The following ANK2 variants were observed in gnomAD, a reference collection of about 807,000 sequenced individuals.
The protein encoded by ANK2 is ankyrin 2, also known as ankyrin-2.
ANK2 carries 83 observed loss-of-function variants against 360.5 expected under a neutral mutation model. The ratio of observed to expected loss-of-function variants is 0.23; its 90% CI spans 0.19 to 0.28. The LOEUF (loss-of-function observed/expected upper bound fraction) is 0.28, where lower values mean the gene tolerates loss of function less well. Ranked by LOEUF, ANK2 falls within the 10% of genes least tolerant of loss-of-function variation. The probability of loss-of-function intolerance (pLI) is 1.00; values close to 1 mark genes in which losing one functional copy is unlikely to be tolerated. For synonymous variants in ANK2, 1,740 were observed against 1,759.5 expected (o/e 0.99, Z 0.28); for missense variants, 4,201 against 4,795.7 (o/e 0.88, Z 3.66).
intron 4 of ANK2, among the ~76,000 whole-genome samples, chr4:113,209,360 A>G (rs892316296): frequency 6.6e-6 from 1 of 152,046 alleles, no homozygotes; most frequent in Non-Finnish European, 1.5e-5. Flanking sequence ...GAGGGCCCAC[A>G]GAGAAAGCCT....
Position 113,357,181 on chromosome 4 carries a change from G to A in ANK2, c.8563G>A (p.Val2855Ile). Residue 2855 changes from valine (V) to isoleucine (I), a missense_variant, in exon 38 of 46, where the codon GTA becomes ATA. Transcript: ENST00000357077. ...SSSSSLPHCL[V>I]SEGKELDEDI... Reference sequence around the variant, plus strand: ...TTCATCCTCTTTGCCTCATTGTTTGGTATCTGAAGGAAAAGAATTAGATGA... The same window carrying A: ...TTCATCCTCTTTGCCTCATTGTTTGATATCTGAAGGAAAAGAATTAGATGA... 1 of 1,614,074 alleles carries A rather than the reference G, an allele frequency of 6.2e-7. No homozygotes were observed. Among genetic ancestry groups the A allele is most frequent in the Non-Finnish European group, 8.5e-7 (1 of 1,179,986 alleles).
the ANK2 span, among the ~76,000 whole-genome samples, chr4:112,733,753 C>G: frequency 6.6e-6 from 1 of 152,078 alleles, no homozygotes; most frequent in Non-Finnish European, 1.5e-5. Flanking sequence ...AAAGGAAAAA[C>G]TGAAGACAGA....
intron 1 of ANK2, among the ~76,000 whole-genome samples, chr4:113,106,005 C>G (rs1460693818): frequency 1.3e-5 from 2 of 152,152 alleles, no homozygotes; most frequent in Non-Finnish European, 2.9e-5. Flanking sequence ...ATTTTACTAG[C>G]TTTCTGTCAA....
the ANK2 span, among the ~76,000 whole-genome samples, chr4:112,715,795 C>T: frequency 6.6e-6 from 1 of 152,104 alleles, no homozygotes; most frequent in East Asian, 1.9e-4. Flanking sequence ...ATGAGGAAGG[C>T]ATGGGACCAG....
the ANK2 span, among the ~76,000 whole-genome samples, chr4:112,802,694 G>A: frequency 1.3e-5 from 2 of 152,008 alleles, no homozygotes; most frequent in Non-Finnish European, 2.9e-5. Context: ...AGTAAATTGG[G>A]TTGAAAAAAT....
intron 19 of ANK2, 54 bp from the exon 20 acceptor site, chr4:113,288,334 A>G (rs1219084137): frequency 7.0e-7 from 1 of 1,430,172 alleles, no homozygotes; most frequent in Non-Finnish European, 9.8e-7. Flanking sequence ...ATTAACCACT[A>G]GAGTAGTAAA....
At chr4:113,185,097 G>A (rs900746384) in intron 2 of ANK2, among the ~76,000 whole-genome samples, 6 of 152,012 alleles carry the variant, frequency 3.9e-5, no homozygotes, top group Admixed American at 1.3e-4. Context: ...TCTTTATCCC[G>A]TCTATCATTG....
At chr4:113,348,890 C>G (rs2095185418) in intron 36 of ANK2, among the ~76,000 whole-genome samples, 2 of 152,090 alleles carry the variant, frequency 1.3e-5, no homozygotes, top group South Asian at 4.1e-4. Context: ...GTTTTTCAGG[C>G]TCCTCAGTAA....
intron 4 of ANK2, among the ~76,000 whole-genome samples, chr4:113,220,934 T>C (rs1469261518): frequency 6.6e-6 from 1 of 152,182 alleles, no homozygotes; most frequent in Non-Finnish European, 1.5e-5. Context: ...CAATCAAGTG[T>C]AAGAGAAGAA....
chr4:112,721,966 T>C, the ANK2 span, among the ~76,000 whole-genome samples: 1 of 152,218 alleles, frequency 6.6e-6, no homozygotes, highest in Non-Finnish European at 1.5e-5. Flanking sequence ...CAAGCATTAT[T>C]ATCAGACTTC....
At chr4:113,095,686 A>G (rs1465251927) in intron 1 of ANK2, among the ~76,000 whole-genome samples, 1 of 152,244 alleles carries the variant, frequency 6.6e-6, no homozygotes. Flanking sequence ...GTTTATAAGT[A>G]TAATAATAAT....
intron 24 of ANK2, among the ~76,000 whole-genome samples, chr4:113,315,131 A>C (rs1159089804): frequency 6.6e-6 from 1 of 152,212 alleles, no homozygotes; most frequent in Non-Finnish European, 1.5e-5. Flanking sequence ...AAACACCAAC[A>C]CCTCTCTATT....
At position 113,355,774 on chromosome 4, in the gene ANK2, G is replaced by A; in HGVS notation, c.7156G>A (p.Glu2386Lys). 6.2e-7 allele frequency: 1 copy of A among 1,614,104 alleles called. No individual in the cohort carries two copies. Among genetic ancestry groups the A allele is most frequent in the Non-Finnish European group, 8.5e-7 (1 of 1,179,980 alleles). ...SDETKALPLP[E>K]ASVKTDTGTE... Reference sequence around the variant, plus strand: ...CGAGACAAAGGCCTTGCCGCTGCCTGAGGCTTCTGTAAAGACAGATACAGG... The same window carrying A: ...CGAGACAAAGGCCTTGCCGCTGCCTAAGGCTTCTGTAAAGACAGATACAGG... Residue 2386 changes from glutamate to lysine, a missense_variant, in exon 38 of 46, where the codon GAG becomes AAG. Glu to Lys is a moderately conservative substitution (Grantham distance 56). Transcript: ENST00000357077.
intron 2 of ANK2, among the ~76,000 whole-genome samples, chr4:113,013,861 G>A (rs2154293571): frequency 6.6e-6 from 1 of 151,936 alleles, no homozygotes; most frequent in African/African-American, 2.4e-5. Flanking sequence ...AAAATATTTA[G>A]CTTAAGGATT....
At chr4:113,350,570 A>T in intron 37 of ANK2, 1 of 288,062 alleles carries the variant, frequency 3.5e-6, no homozygotes, top group South Asian at 4.5e-5. Context: ...TGTTAGCAAA[A>T]CACTGTCATC....
chr4:112,748,481 A>G, the ANK2 span, among the ~76,000 whole-genome samples: 1 of 152,224 alleles, frequency 6.6e-6, no homozygotes, highest in African/African-American at 2.4e-5. Context: ...GGCATAGCTT[A>G]ATGACATATT....
chr4:112,985,913 A>G (rs150570684), intron 2 of ANK2, among the ~76,000 whole-genome samples: 5,167 of 151,894 alleles, frequency 0.034, 212 homozygotes, highest in African/African-American at 0.096. Flanking sequence ...GTGCACCAAA[A>G]TCTCAGAAAT....
chr4:113,075,320 C>T (rs946963853), intron 1 of ANK2, among the ~76,000 whole-genome samples: 1 of 152,088 alleles, frequency 6.6e-6, no homozygotes, highest in African/African-American at 2.4e-5. Flanking sequence ...CTATATATCC[C>T]CATATAGTAA....
the ANK2 span, among the ~76,000 whole-genome samples, chr4:112,746,902 T>C: frequency 6.6e-6 from 1 of 152,214 alleles, no homozygotes; most frequent in East Asian, 1.9e-4. Flanking sequence ...TATTCAAATA[T>C]CCAATTTTAA....
Sources: allele counts gnomAD v4.1 joint callset (sites outside exome capture counted in the v4.1 genomes callset), GRCh38; gene constraint gnomAD v4.1.1; transcripts MANE v1.5; gene names NCBI Gene and HGNC (gene_info 2026-07-23, HGNC 2026-07-21).